Variants in URGCP observed in about 807,000 individuals in gnomAD.
The protein encoded by URGCP is upregulator of cell proliferation.
In URGCP, 13 loss-of-function variants were observed where a neutral mutation model predicts 24.6. That is an observed-to-expected ratio of 0.53 (90% CI 0.34 to 0.84). The LOEUF (loss-of-function observed/expected upper bound fraction) is 0.84. URGCP is among the 40% of genes least tolerant of loss of function. URGCP has a pLI of 0.01. For synonymous variants in URGCP, 444 were observed against 487.2 expected (o/e 0.91, Z 1.17); for missense variants, 899 against 1,194.3 (o/e 0.75, Z 3.64).
At chr7:43,921,724 T>C (rs1452557754) in intron 1 of URGCP, among the ~76,000 whole-genome samples, 1 of 152,196 alleles carries the variant, frequency 6.6e-6, no homozygotes, top group East Asian at 1.9e-4. Context: ...ATGGAAATTT[T>C]TGTCTAGGGT....
chr7:43,921,348 G>A (rs1219031452), intron 1 of URGCP, among the ~76,000 whole-genome samples: 1 of 151,890 alleles, frequency 6.6e-6, no homozygotes, highest in Admixed American at 6.6e-5. Flanking sequence ...GAAAAAAAGA[G>A]AGAGGTCTAA....
chr7:43,884,804 C>T (rs550173467), intron 3 of URGCP, among the ~76,000 whole-genome samples: 2 of 152,168 alleles, frequency 1.3e-5, no homozygotes, highest in East Asian at 1.9e-4. Flanking sequence ...CACTGTACTC[C>T]GGCTTGAGTG....
chr7:43,908,069 C>T (rs1039673241), upstream of URGCP, among the ~76,000 whole-genome samples: 6 of 152,126 alleles, frequency 3.9e-5, no homozygotes, highest in African/African-American at 1.4e-4. Flanking sequence ...TGAAGGAGAT[C>T]AAACTAAAAG....
intron 3 of URGCP, among the ~76,000 whole-genome samples, chr7:43,885,556 GAC>G (rs2095860904): frequency 6.6e-6 from 1 of 152,174 alleles, no homozygotes; most frequent in Non-Finnish European, 1.5e-5. Flanking sequence ...AGTAGAGAGA[GAC>G]ACAGAGATCA....
At chr7:43,908,467 A>G (rs922128646), upstream of URGCP, among the ~76,000 whole-genome samples, 2 of 152,202 alleles carry the variant, frequency 1.3e-5, no homozygotes, top group African/African-American at 4.8e-5. Context: ...ATGGCACTTT[A>G]ACAAGCTGAA....
At position 43,877,552 on chromosome 7, in the gene URGCP, C is replaced by G. The variant is rs778937379; in HGVS notation, c.1911G>C (p.Pro637=). The change falls in exon 6 of 6, where the codon CCG becomes CCC. Residue 637 remains proline, a synonymous_variant. Coordinates refer to ENST00000453200, the MANE Select transcript of URGCP (RefSeq NM_001077663.3). ...ESCLVEAGRL[P]AGQRRFAHFP... ...AGTGGGCAAAACGCCTCTGGCCTGC[C>G]GGCAGCCTCCCTGCCTCCACAAGAC... 6.2e-7 allele frequency: 1 copy of G among 1,613,806 alleles called. No individual in the cohort carries two copies. The highest frequency in any genetic ancestry group is 8.5e-7 in the Non-Finnish European group (1 of 1,180,048).
Position 43,878,503 on chromosome 7 carries a change from G to A in URGCP, c.960C>T (p.Ser320=), listed in dbSNP as rs370165083. ...GGAAAATGTCCAAGTCCTCCCTTCCGCTGGGAAAAAACCAGGAAATTTCTA... is the reference window on the plus strand; with the variant it reads ...GGAAAATGTCCAAGTCCTCCCTTCCACTGGGAAAAAACCAGGAAATTTCTA... ...GLVEISWFFP[S]GREDLDIFPE... is the part of the protein sequence containing the mutation. Residue 320 remains serine (S), a synonymous_variant, in exon 6 of 6, where the codon AGC becomes AGT. Transcript: ENST00000453200. This position sits in a 1 kb window ranked among gnomAD's most constrained non-coding sequence, Gnocchi z 5.6. 4.5e-5 allele frequency: 72 copies of A among 1,614,026 alleles called. No homozygotes were observed. Among genetic ancestry groups the A allele is most frequent in the Non-Finnish European group, 5.6e-5 (66 of 1,180,034 alleles).
At chr7:43,883,828 A>C (rs1274140196) in intron 3 of URGCP, among the ~76,000 whole-genome samples, 1 of 152,202 alleles carries the variant, frequency 6.6e-6, no homozygotes, top group Non-Finnish European at 1.5e-5. Flanking sequence ...AGAGAAAAAG[A>C]AAATGGGGTC....
intron 1 of URGCP, 162 bp downstream of exon 1, chr7:43,906,400 C>A (rs1172665172): frequency 4.9e-6 from 4 of 812,084 alleles, no homozygotes; most frequent in African/African-American, 3.8e-5. Flanking sequence ...CCAAGGTCGG[C>A]GCGAGCGGGC....
At chr7:43,879,667 C>T (rs2730616) in intron 5 of URGCP, 118,777 of 164,122 alleles carry the variant, frequency 0.72, 43,265 homozygotes, top group African/African-American at 0.82. Context: ...GCAGGCCTCA[C>T]CTCCCCACTG....
chr7:43,921,927 CT>C (rs2095922969), intron 1 of URGCP, among the ~76,000 whole-genome samples: 1 of 151,920 alleles, frequency 6.6e-6, no homozygotes. Flanking sequence ...GAGTCTCGCT[CT>C]GTCGCCCAGG....
upstream of URGCP, chr7:43,906,823 G>T: frequency 3.6e-6 from 1 of 275,314 alleles, no homozygotes; most frequent in Non-Finnish European, 6.5e-6. Context: ...CTGCCCAGGT[G>T]CCTGGAGGCC....
intron 1 of URGCP, among the ~76,000 whole-genome samples, chr7:43,922,912 CTCTTTCTTTCCG>C (rs1334517691): frequency 1.3e-5 from 2 of 151,278 alleles, no homozygotes; most frequent in Non-Finnish European, 2.9e-5. Context: ...TTCTTTCTTT[CTCTTTCTTTCCG>C]TCTTTCTTTC....
In URGCP at chr7:43,894,486, C is replaced by CT. The variant is rs1437291055; in HGVS notation, c.15-6671dup. On this transcript the variant is annotated intron_variant, in intron 1 of 5. Coordinates refer to ENST00000453200, the MANE Select transcript of URGCP (RefSeq NM_001077663.3). ...ACCTCAGCCTCCCAAGTAGCTGAAA[C>CT]TAACTACAGGTGCATGCCACCATGC... Among the ~76,000 whole-genome samples the CT allele has an allele frequency of 1.9e-4, 29 of 152,208 alleles. No homozygotes were observed. The East Asian group carries it at 4.6e-3, about 24-fold the overall frequency.
intron 5 of URGCP, among the ~76,000 whole-genome samples, chr7:43,880,087 C>T (rs2095851583): frequency 6.6e-6 from 1 of 152,104 alleles, no homozygotes; most frequent in African/African-American, 2.4e-5. Flanking sequence ...CCACACCCAG[C>T]TCATCCTTGT....
At chr7:43,884,805 G>A (rs529259834) in intron 3 of URGCP, among the ~76,000 whole-genome samples, 12 of 152,116 alleles carry the variant, frequency 7.9e-5, no homozygotes, top group South Asian at 2.1e-4. Flanking sequence ...ACTGTACTCC[G>A]GCTTGAGTGA....
upstream of URGCP, chr7:43,926,455 T>C: frequency 1.5e-6 from 2 of 1,318,534 alleles, no homozygotes; most frequent in Non-Finnish European, 2.0e-6. Flanking sequence ...GGCGTGCAGC[T>C]TGGTGGCGGC....
upstream of URGCP, chr7:43,926,682 G>T (rs2095931658): frequency 8.8e-6 from 9 of 1,024,756 alleles, no homozygotes; most frequent in Non-Finnish European, 1.2e-5. Flanking sequence ...GCCTGGGAAG[G>T]AGGCAGAACA....
chr7:43,900,128 C>G (rs2528388), intron 1 of URGCP, among the ~76,000 whole-genome samples: 108,418 of 150,660 alleles, frequency 0.72, 39,201 homozygotes, highest in African/African-American at 0.82. Flanking sequence ...CTGGGAGACT[C>G]AGCAAAACTC....
Sources: gnomAD v4.1 joint callset for allele counts (sites outside exome capture counted in the v4.1 genomes callset) on GRCh38, gnomAD v4.1.1 for gene constraint, Gnocchi (gnomAD v3.1) non-coding constraint, MANE v1.5 for transcripts, NCBI Gene and HGNC (gene_info 2026-07-23, HGNC 2026-07-21) for gene names.